The following SRD5A3 variants were observed in gnomAD, a reference collection of about 807,000 sequenced individuals.
The protein encoded by SRD5A3 is steroid 5 alpha-reductase 3.
In SRD5A3, 24 loss-of-function variants were observed where a neutral mutation model predicts 34.3. The ratio of observed to expected loss-of-function variants is 0.70; its 90% CI spans 0.51 to 0.99. The LOEUF (loss-of-function observed/expected upper bound fraction) is 0.99. Among genes scored for constraint, SRD5A3 ranks in the 50% least tolerant of loss-of-function variants. The pLI, the probability that SRD5A3 is intolerant of heterozygous loss-of-function variation, is 0.00. For synonymous variants in SRD5A3, 161 were observed against 167.3 expected (o/e 0.96, Z 0.29); for missense variants, 350 against 388.2 (o/e 0.90, Z 0.83).
intron 4 of SRD5A3, among the ~76,000 whole-genome samples, chr4:55,369,418 A>G (rs1720035396): frequency 6.6e-6 from 1 of 152,202 alleles, no homozygotes; most frequent in South Asian, 2.1e-4. Flanking sequence ...ACACACATGT[A>G]TGATACTCTT....
chr4:55,351,853 TG>T, intron 1 of SRD5A3: 4 of 576,902 alleles, frequency 6.9e-6, no homozygotes, highest in South Asian at 5.8e-5. Context: ...ATTCATTCAA[TG>T]TTGTATCTAT....
chr4:55,369,608 G>A (rs1560374578), intron 4 of SRD5A3: 6 of 578,410 alleles, frequency 1.0e-5, no homozygotes, highest in African/African-American at 1.9e-5. Flanking sequence ...ATGCATACCT[G>A]TGGTACTAGC....
Position 55,370,495 on chromosome 4 carries a change from C to A in SRD5A3, c.*404C>A. Reference sequence around the variant, plus strand: ...CACAAAGGAAGATCATCAATGGCTGCGGTAGCCTAGTAGGAATGGACTATA... The same window carrying A: ...CACAAAGGAAGATCATCAATGGCTGAGGTAGCCTAGTAGGAATGGACTATA... On this transcript the variant is annotated 3_prime_UTR_variant, in exon 5 of 5. Transcript: ENST00000264228. 3.7e-6 allele frequency: 1 copy of A among 267,080 alleles called. No homozygotes were observed. Among genetic ancestry groups the A allele is most frequent in the Non-Finnish European group, 7.2e-6 (1 of 138,854 alleles). 16.5% of individuals were successfully genotyped at this position (267,080 alleles called of 1,614,324 possible). A position where few individuals can be genotyped will look rare whatever the true frequency, so the allele number is the denominator to read the frequency against.
At chr4:55,356,545 C>T (rs922463543) in intron 1 of SRD5A3, among the ~76,000 whole-genome samples, 8 of 152,020 alleles carry the variant, frequency 5.3e-5, no homozygotes, top group African/African-American at 1.2e-4. Context: ...AGTGCTGTGG[C>T]GGCATGATCA....
rs184003218 is a variant in SRD5A3 at position 55,349,875 on chromosome 4, T to A, written c.221+3318T>A. On this transcript the variant is annotated intron_variant, in intron 1 of 4. Coordinates refer to ENST00000264228, the MANE Select transcript of SRD5A3 (RefSeq NM_024592.5). ...AGTTATGTCTTTATTTTCACTAACC[T>A]CTAGCTGAAATTTAGCATTGCCTTA... is the stretch of plus-strand genomic sequence containing the variant. Among the ~76,000 whole-genome samples, 4 of 152,320 alleles carry A rather than the reference T, an allele frequency of 2.6e-5. No individual in the cohort carries two copies. In the East Asian group the frequency reaches 7.7e-4, roughly 29 times the overall value.
At chr4:55,360,719 G>A (rs1457634275) in intron 2 of SRD5A3, among the ~76,000 whole-genome samples, 3 of 141,672 alleles carry the variant, frequency 2.1e-5, no homozygotes, top group East Asian at 4.4e-4. Flanking sequence ...ATGGAGTTTC[G>A]CTCTTATTGC....
chr4:55,347,775 A>T (rs1719049281), intron 1 of SRD5A3, among the ~76,000 whole-genome samples: 1 of 152,198 alleles, frequency 6.6e-6, no homozygotes, highest in Non-Finnish European at 1.5e-5. Flanking sequence ...ACTGTCAGAG[A>T]AAGATGTGTC....
chr4:55,369,834 G>C lies in SRD5A3; in HGVS notation c.700G>C (p.Val234Leu). ...LGNLRKNKAG[V>L]VIHCNHRIPF... ...GAGATCTTCTTTTACCCTTTCAGGA[G>C]TGGTCATTCACTGTAACCACAGGAT... The change falls in exon 5 of 5, where the codon GTG (valine) becomes CTG (leucine). Residue 234 changes from valine to leucine, a missense_variant and splice_region_variant. By Grantham distance (32) the Val-to-Leu change is conservative (BLOSUM62 1). Coordinates refer to ENST00000264228, the MANE Select transcript of SRD5A3 (RefSeq NM_024592.5). 6.2e-7 allele frequency: 1 copy of C among 1,614,090 alleles called. No individual in the cohort carries two copies. The highest frequency in any genetic ancestry group is 8.5e-7 in the Non-Finnish European group (1 of 1,180,024).
chr4:55,354,084 A>G (rs1304632554), intron 1 of SRD5A3, among the ~76,000 whole-genome samples: 2 of 152,162 alleles, frequency 1.3e-5, no homozygotes, highest in Non-Finnish European at 1.5e-5. Context: ...CTGTTCCAGC[A>G]GTCAGCAAAT....
intron 1 of SRD5A3, among the ~76,000 whole-genome samples, chr4:55,356,338 TGTG>T (rs144072549): frequency 0.042 from 6,408 of 152,266 alleles, 173 homozygotes; most frequent in South Asian, 0.14. Context: ...ATGTTTTTAT[TGTG>T]GTAAAATACA....
At chr4:55,367,861 C>A in intron 4 of SRD5A3, 139 bp downstream of exon 4, 2 of 1,082,360 alleles carry the variant, frequency 1.8e-6, no homozygotes, top group Non-Finnish European at 2.7e-6. Flanking sequence ...CTTCTCTGGG[C>A]CTTGATCTTC....
At chr4:55,357,379 T>G (rs1407526024) in intron 1 of SRD5A3, among the ~76,000 whole-genome samples, 1 of 152,236 alleles carries the variant, frequency 6.6e-6, no homozygotes, top group Non-Finnish European at 1.5e-5. Context: ...TCAGAAGCTA[T>G]CCCTCCTGCC....
intron 3 of SRD5A3, among the ~76,000 whole-genome samples, chr4:55,366,378 T>C (rs1719898576): frequency 6.6e-6 from 1 of 152,180 alleles, no homozygotes; most frequent in Non-Finnish European, 1.5e-5. Flanking sequence ...AGGTTCTCGC[T>C]ATGTTGGCAG....
In SRD5A3 at chr4:55,346,355, G is replaced by T; in HGVS notation, c.19G>T (p.Ala7Ser). Reference sequence around the variant, plus strand: ...GCGGGCCATGGCTCCCTGGGCGGAGGCCGAGCACTCGGCGCTGAACCCGCT... The same window carrying T: ...GCGGGCCATGGCTCCCTGGGCGGAGTCCGAGCACTCGGCGCTGAACCCGCT... Reference protein sequence around the residue: MAPWAEAEHSALNPLRA... With the variant: MAPWAESEHSALNPLRA... The change falls in exon 1 of 5, where the codon GCC becomes TCC. Residue 7 changes from alanine to serine, a missense_variant. Transcript: ENST00000264228. 2.0e-6 allele frequency: 3 copies of T among 1,524,488 alleles called. No individual in the cohort carries two copies. The highest frequency in any genetic ancestry group is 2.6e-6 in the Non-Finnish European group (3 of 1,138,006). 94.4% of individuals were successfully genotyped at this position (1,524,488 alleles called of 1,614,324 possible).
At chr4:55,346,981 G>A (rs1719021473) in intron 1 of SRD5A3, among the ~76,000 whole-genome samples, 1 of 152,328 alleles carries the variant, frequency 6.6e-6, no homozygotes, top group Admixed American at 6.5e-5. Flanking sequence ...TGAGGTCACC[G>A]GGAATCATTT....
intron 2 of SRD5A3, among the ~76,000 whole-genome samples, chr4:55,361,482 CAAAAAAAAAAA>C (rs59113946): frequency 9.8e-6 from 1 of 102,034 alleles, no homozygotes; most frequent in Non-Finnish European, 2.0e-5. Flanking sequence ...GACTCCGTCT[CAAAAAAAAAAA>C]AAAAAAAAAG....
At chr4:55,351,645 GA>G in intron 1 of SRD5A3, among the ~76,000 whole-genome samples, 1 of 150,944 alleles carries the variant, frequency 6.6e-6, no homozygotes, top group Non-Finnish European at 1.5e-5. Context: ...CAACAACAGC[GA>G]AACTTCATCT....
intron 1 of SRD5A3, among the ~76,000 whole-genome samples, chr4:55,353,558 G>C (rs1217479647): frequency 1.3e-5 from 2 of 152,168 alleles, no homozygotes; most frequent in African/African-American, 2.4e-5. Context: ...CCCTGTGGAG[G>C]CTGTATTCTT....
chr4:55,352,598 C>T (rs1256797113), intron 1 of SRD5A3, among the ~76,000 whole-genome samples: 5 of 152,166 alleles, frequency 3.3e-5, no homozygotes, highest in Admixed American at 6.5e-5. Context: ...ATAAGGACCT[C>T]GGTCAGTGTG....
Sources: allele counts gnomAD v4.1 joint callset (sites outside exome capture counted in the v4.1 genomes callset), GRCh38; gene constraint gnomAD v4.1.1; transcripts MANE v1.5; gene names NCBI Gene and HGNC (gene_info 2026-07-23, HGNC 2026-07-21).